PDE3A: variants seen among roughly 807,000 people sequenced by gnomAD.
PDE3A encodes the protein phosphodiesterase 3A.
Under a neutral mutation model 98.3 loss-of-function variants are expected in PDE3A, and 43 were observed. The ratio of observed to expected loss-of-function variants is 0.44; its 90% CI spans 0.34 to 0.56. The LOEUF (loss-of-function observed/expected upper bound fraction) is 0.56. PDE3A is among the 20% of genes least tolerant of loss of function. PDE3A has a pLI of 0.01. For missense variants in PDE3A, 1,427 were observed against 1,440.7 expected (o/e 0.99, Z 0.15); for synonymous variants, 663 against 567.9 (o/e 1.17, Z -2.38).
Position 20,507,584 on chromosome 12 carries a change from G to A in PDE3A, c.961-49076G>A, listed in dbSNP as rs141475190. ...TTCTTGACTTAGATACCTAACAGAC[G>A]CCTCATACTCCAAATGTGCCAAATG... On this transcript the variant is annotated intron_variant, in intron 1 of 15. Transcript: ENST00000359062. Among the ~76,000 whole-genome samples the A allele has an allele frequency of 8.6e-5, 13 of 151,952 alleles. No homozygotes were observed. In the East Asian group the frequency reaches 2.1e-3, roughly 25 times the overall value.
At chr12:20,402,664 TA>T (rs898775908) in intron 1 of PDE3A, among the ~76,000 whole-genome samples, 2 of 152,206 alleles carry the variant, frequency 1.3e-5, no homozygotes, top group African/African-American at 2.4e-5. Context: ...TTATAAACAC[TA>T]AAAAATTTTG....
intron 15 of PDE3A, among the ~76,000 whole-genome samples, chr12:20,662,715 A>G (rs1414031835): frequency 6.6e-6 from 1 of 152,174 alleles, no homozygotes; most frequent in Non-Finnish European, 1.5e-5. Context: ...CATGGTTTGG[A>G]ATTGGAACTT....
Position 20,575,413 on chromosome 12 carries a change from A to G in PDE3A, c.1011+18703A>G, listed in dbSNP as rs537165464. ...AAAGTTCTGACTAAAATTAGGAGGG[A>G]AAAATAAAGCTCTGATTAAATAAAC... On this transcript the variant is annotated intron_variant, in intron 2 of 15. Coordinates refer to ENST00000359062, the MANE Select transcript of PDE3A (RefSeq NM_000921.5). Among the ~76,000 whole-genome samples, 3 of 152,170 alleles carry G rather than the reference A, an allele frequency of 2.0e-5. No individual in the cohort carries two copies. In the South Asian group the frequency reaches 6.2e-4, roughly 32 times the overall value.
intron 1 of PDE3A, among the ~76,000 whole-genome samples, chr12:20,470,355 T>C (rs904628400): frequency 1.3e-5 from 2 of 151,924 alleles, no homozygotes; most frequent in African/African-American, 4.8e-5. Flanking sequence ...AGGCTCTGAG[T>C]TCAGTGGGAA....
In PDE3A at chr12:20,683,325, C is replaced by T. The variant is rs1373364915; in HGVS notation, c.*3054C>T. On this transcript the variant is annotated 3_prime_UTR_variant, in exon 16 of 16. Transcript: ENST00000359062. ...GTGCCAATGTATTTGTTGCAATTTACTACATTTTTATATGAGCCTATTTAT... is the reference window on the plus strand; with the variant it reads ...GTGCCAATGTATTTGTTGCAATTTATTACATTTTTATATGAGCCTATTTAT... The T allele has an allele frequency of 1.3e-5, 2 of 152,130 alleles. No individual in the cohort carries two copies. Among genetic ancestry groups the T allele is most frequent in the African/African-American group, 4.8e-5 (2 of 41,434 alleles). The allele number at this position is 152,130 out of a possible 1,614,324, so 9.4% of individuals were successfully genotyped here. A position where few individuals can be genotyped will look rare whatever the true frequency, so the allele number is the denominator to read the frequency against.
chr12:20,568,475 T>C (rs998791963), intron 2 of PDE3A, among the ~76,000 whole-genome samples: 1 of 151,936 alleles, frequency 6.6e-6, no homozygotes, highest in Non-Finnish European at 1.5e-5. Context: ...GGATACAGCA[T>C]TGGAAGTAAT....
intron 1 of PDE3A, among the ~76,000 whole-genome samples, chr12:20,460,148 C>T (rs1357906310): frequency 6.6e-6 from 1 of 152,210 alleles, no homozygotes; most frequent in Non-Finnish European, 1.5e-5. Flanking sequence ...ACCTTCAACT[C>T]TCTAATCAAT....
intron 15 of PDE3A, among the ~76,000 whole-genome samples, chr12:20,679,274 A>G (rs943320373): frequency 6.6e-5 from 10 of 152,156 alleles, no homozygotes; most frequent in Admixed American, 2.0e-4. Context: ...TTGAGATGGA[A>G]TCTCGCTCTG....
intron 1 of PDE3A, among the ~76,000 whole-genome samples, chr12:20,545,846 A>T (rs1486337032): frequency 6.6e-6 from 1 of 151,938 alleles, no homozygotes; most frequent in Non-Finnish European, 1.5e-5. Flanking sequence ...GTGGAGAGAT[A>T]TCGAATGGAT....
chr12:20,557,845 C>T (rs1942409507), intron 2 of PDE3A, among the ~76,000 whole-genome samples: 1 of 150,374 alleles, frequency 6.7e-6, no homozygotes, highest in Non-Finnish European at 1.5e-5. Flanking sequence ...ATCTCCCCTT[C>T]ATTTTCTCTG....
chr12:20,512,230 G>C (rs892136742), intron 1 of PDE3A, among the ~76,000 whole-genome samples: 4 of 151,904 alleles, frequency 2.6e-5, no homozygotes, highest in Non-Finnish European at 4.4e-5. Context: ...AATATAAAAT[G>C]TTAATAACAG....
chr12:20,538,560 G>A (rs951894670), intron 1 of PDE3A, among the ~76,000 whole-genome samples: 5 of 152,114 alleles, frequency 3.3e-5, no homozygotes, highest in African/African-American at 1.2e-4. Context: ...GAGAACCAGG[G>A]TTCTGTGAAT....
rs755246539 is a variant in PDE3A at position 20,369,356 on chromosome 12, G to T, written c.72G>T (p.Thr24=). Residue 24 remains threonine (T), a synonymous_variant, in exon 1 of 16, where the codon ACG becomes ACT. Coordinates refer to ENST00000359062, the MANE Select transcript of PDE3A (RefSeq NM_000921.5). ...PVHSGVSQAP[T]AGRDCHHRAD... ...ACAGTGGGGTGAGTCAAGCCCCCAC[G>T]GCGGGCCGGGACTGCCACCATCGTG... The T allele has an allele frequency of 2.4e-5, 37 of 1,548,732 alleles. No individual in the cohort carries two copies. In the South Asian group the frequency reaches 4.4e-4, roughly 18 times the overall value.
intron 1 of PDE3A, among the ~76,000 whole-genome samples, chr12:20,436,241 G>A (rs1337867572): frequency 6.7e-6 from 1 of 149,516 alleles, no homozygotes; most frequent in Non-Finnish European, 1.5e-5. Flanking sequence ...GACTCTTTAG[G>A]AAGTTACAGC....
intron 1 of PDE3A, among the ~76,000 whole-genome samples, chr12:20,431,790 T>G (rs905829557): frequency 2.0e-5 from 3 of 152,244 alleles, no homozygotes; most frequent in Admixed American, 1.3e-4. Flanking sequence ...AAGATAACTA[T>G]GCGCCTTATC....
intron 1 of PDE3A, among the ~76,000 whole-genome samples, chr12:20,449,348 A>T (rs1945021164): frequency 6.6e-6 from 1 of 152,228 alleles, no homozygotes; most frequent in Non-Finnish European, 1.5e-5. Context: ...AAATACAGCA[A>T]AATATTTCAA....
intron 1 of PDE3A, among the ~76,000 whole-genome samples, chr12:20,508,140 A>G (rs1946151340): frequency 1.3e-5 from 2 of 151,902 alleles, no homozygotes; most frequent in African/African-American, 4.8e-5. Context: ...GCACATTCTC[A>G]TTGCACTGGC....
At position 20,630,100 on chromosome 12, in the gene PDE3A, T is replaced by G; in HGVS notation, c.1733T>G (p.Ile578Ser). The G allele has an allele frequency of 2.5e-6, 4 of 1,612,478 alleles. No homozygotes were observed. The highest frequency in any genetic ancestry group is 3.4e-6 in the Non-Finnish European group (4 of 1,178,606). ...TQSAPDLSPQ[I>S]LTPPVICSSC... is the part of the protein sequence containing the mutation. The stretch of plus-strand genomic sequence containing the variant: ...AGTGCCCCAGACCTATCCCCTCAAA[T>G]CCTGACTCCACCTGTTATATGTAGC... Residue 578 changes from isoleucine to serine, a missense_variant, in exon 6 of 16, where the codon ATC becomes AGC. Around this residue, in one of 3 missense-constraint regions of PDE3A, gnomAD observed 1,012 missense variants for 886.5 expected, o/e 1.14. Transcript: ENST00000359062.
At chr12:20,658,434 A>G (rs1363136442) in intron 15 of PDE3A, among the ~76,000 whole-genome samples, 2 of 152,210 alleles carry the variant, frequency 1.3e-5, no homozygotes, top group African/African-American at 2.4e-5. Context: ...TTGTGTTGCC[A>G]TGGTTTGATG....
Sources: gnomAD v4.1 joint callset for allele counts (sites outside exome capture counted in the v4.1 genomes callset) on GRCh38, gnomAD v4.1.1 for gene constraint, gnomAD v4.1.1 regional missense constraint, MANE v1.5 for transcripts, NCBI Gene and HGNC (gene_info 2026-07-23, HGNC 2026-07-21) for gene names.